The following RANBP2 variants were observed in gnomAD, a reference collection of about 807,000 sequenced individuals.
The protein encoded by RANBP2 is E3 SUMO-protein ligase RanBP2.
Under a neutral mutation model 303.6 loss-of-function variants are expected in RANBP2, and 57 were observed. The observed-to-expected ratio is 0.19, with a 90% CI of 0.15 to 0.23. The LOEUF is 0.23. Among genes scored for constraint, RANBP2 ranks in the 10% least tolerant of loss-of-function variants. The pLI, the probability that RANBP2 is intolerant of heterozygous loss-of-function variation, is 1.00. For missense variants in RANBP2, 3,138 were observed against 3,780.8 expected (o/e 0.83, Z 4.46); for synonymous variants, 1,167 against 1,301.5 (o/e 0.90, Z 2.23).
the RANBP2 span, among the ~76,000 whole-genome samples, chr2:109,537,137 G>A: frequency 2.6e-5 from 4 of 152,168 alleles, no homozygotes; most frequent in South Asian, 8.3e-4. Flanking sequence ...AAAGAAGAAG[G>A]TTTTCAATAT....
the RANBP2 span, among the ~76,000 whole-genome samples, chr2:109,082,370 G>A: frequency 6.6e-6 from 1 of 151,592 alleles, no homozygotes; most frequent in Admixed American, 6.6e-5. Flanking sequence ...GTGCTATCTT[G>A]GCTCACTGCA....
At chr2:108,737,074 G>T (rs1399901759) in intron 6 of RANBP2, among the ~76,000 whole-genome samples, 1 of 150,356 alleles carries the variant, frequency 6.7e-6, no homozygotes, top group Non-Finnish European at 1.5e-5. Context: ...TCCCCATCTG[G>T]TATAAGGAAA....
the RANBP2 span, among the ~76,000 whole-genome samples, chr2:109,730,891 C>T: frequency 0.019 from 2,846 of 149,384 alleles, 39 homozygotes; most frequent in South Asian, 0.056. Context: ...CAGGTTCAAG[C>T]GATTCTCCTG....
chr2:109,150,299 G>A, the RANBP2 span, among the ~76,000 whole-genome samples: 1 of 152,260 alleles, frequency 6.6e-6, no homozygotes, highest in South Asian at 2.1e-4. Flanking sequence ...AATGAAAGGA[G>A]GGGAAGGGTT....
chr2:109,225,598 C>G, the RANBP2 span, among the ~76,000 whole-genome samples: 1 of 152,232 alleles, frequency 6.6e-6, no homozygotes, highest in Non-Finnish European at 1.5e-5. Flanking sequence ...CTCTCTGGGA[C>G]TTCCCATTTG....
the RANBP2 span, among the ~76,000 whole-genome samples, chr2:109,420,780 A>G: frequency 1.3e-5 from 2 of 152,178 alleles, no homozygotes; most frequent in Non-Finnish European, 2.9e-5. Flanking sequence ...AGTATTTTGA[A>G]GAGCAACTTG....
chr2:108,796,216 T>A, the RANBP2 span, among the ~76,000 whole-genome samples: 1 of 144,412 alleles, frequency 6.9e-6, no homozygotes, highest in African/African-American at 2.5e-5. Context: ...GCCCGGCTAA[T>A]TTTTTTTTTT....
At chr2:109,315,260 C>T in the RANBP2 span, among the ~76,000 whole-genome samples, 3 of 152,192 alleles carry the variant, frequency 2.0e-5, no homozygotes, top group African/African-American at 7.2e-5. Flanking sequence ...GGCAGAAAGA[C>T]GTGCCCACTG....
At chr2:108,748,396 T>C (rs982629728) in intron 8 of RANBP2, among the ~76,000 whole-genome samples, 3 of 135,828 alleles carry the variant, frequency 2.2e-5, no homozygotes, top group Admixed American at 2.2e-4. Context: ...TTTTTTTTTG[T>C]ATTTTTAGTA....
At chr2:109,410,059 C>A in the RANBP2 span, among the ~76,000 whole-genome samples, 1 of 152,170 alleles carries the variant, frequency 6.6e-6, no homozygotes, top group African/African-American at 2.4e-5. Context: ...TTAGTAATCC[C>A]AGCAGGGAAC....
At chr2:109,088,210 A>G in the RANBP2 span, among the ~76,000 whole-genome samples, 1 of 152,122 alleles carries the variant, frequency 6.6e-6, no homozygotes, top group Non-Finnish European at 1.5e-5. Flanking sequence ...CATCCTGGCC[A>G]ACATGGTGAA....
At chr2:109,458,278 C>T in the RANBP2 span, among the ~76,000 whole-genome samples, 1 of 152,184 alleles carries the variant, frequency 6.6e-6, no homozygotes, top group Non-Finnish European at 1.5e-5. Flanking sequence ...AGAGGATTCA[C>T]ACTCTGTCTG....
chr2:109,505,525 T>TA, the RANBP2 span, among the ~76,000 whole-genome samples: 2 of 151,866 alleles, frequency 1.3e-5, no homozygotes, highest in Admixed American at 6.5e-5. Context: ...TAATTTTTTT[T>TA]AAAAAAGTGA....
At chr2:109,653,344 G>A in the RANBP2 span, among the ~76,000 whole-genome samples, 7 of 151,618 alleles carry the variant, frequency 4.6e-5, no homozygotes, top group African/African-American at 1.2e-4. Flanking sequence ...GGAGTGAGCC[G>A]AGTTCGCGGC....
the RANBP2 span, among the ~76,000 whole-genome samples, chr2:109,480,534 T>C: frequency 1.3e-5 from 2 of 152,096 alleles, no homozygotes; most frequent in Admixed American, 6.6e-5. Context: ...GCTGAATTAG[T>C]GTCTCAGGGG....
the RANBP2 span, among the ~76,000 whole-genome samples, chr2:109,218,332 A>G: frequency 1.3e-5 from 2 of 152,094 alleles, no homozygotes; most frequent in Non-Finnish European, 2.9e-5. Flanking sequence ...GATTTCTTCT[A>G]CTTCACCAGA....
At chr2:109,521,092 C>T in the RANBP2 span, among the ~76,000 whole-genome samples, 1 of 151,932 alleles carries the variant, frequency 6.6e-6, no homozygotes, top group Admixed American at 6.6e-5. Flanking sequence ...TGGCGGGCAC[C>T]TGTAGTCCCA....
chr2:109,420,681 G>A, the RANBP2 span, among the ~76,000 whole-genome samples: 4 of 152,154 alleles, frequency 2.6e-5, no homozygotes, highest in African/African-American at 4.8e-5. Context: ...TCCTGATCTC[G>A]TGATCCGCCC....
At chr2:109,514,087 A>G in the RANBP2 span, among the ~76,000 whole-genome samples, 1 of 152,170 alleles carries the variant, frequency 6.6e-6, no homozygotes, top group Non-Finnish European at 1.5e-5. Context: ...CGGTCCTTAG[A>G]AAGGCAGTAA....
Sources: gnomAD v4.1 joint callset for allele counts (sites outside exome capture counted in the v4.1 genomes callset) on GRCh38, gnomAD v4.1.1 for gene constraint, MANE v1.5 for transcripts, NCBI Gene and HGNC (gene_info 2026-07-23, HGNC 2026-07-21) for gene names.